Variants in DCHS2 observed in about 807,000 individuals in gnomAD.
The protein encoded by DCHS2 is dachsous cadherin-related 2, also known as protocadherin-23.
A neutral mutation model predicts 182.4 loss-of-function variants in DCHS2; 142 were observed. The ratio of observed to expected loss-of-function variants is 0.78; its 90% CI spans 0.68 to 0.89. DCHS2 has a LOEUF of 0.89. Among genes scored for constraint, DCHS2 ranks in the 40% least tolerant of loss-of-function variants. DCHS2 has a pLI of 0.00. For synonymous variants in DCHS2, 1,740 were observed against 1,663.3 expected (o/e 1.05, Z -1.12); for missense variants, 4,319 against 4,198.6 (o/e 1.03, Z -0.79).
At chr4:154,442,091 C>A (rs565665028) in intron 1 of DCHS2, among the ~76,000 whole-genome samples, 1 of 152,210 alleles carries the variant, frequency 6.6e-6, no homozygotes, top group African/African-American at 2.4e-5. Flanking sequence ...ATCTGGGTGA[C>A]CTTTCAGCCT....
chr4:154,253,831 C>G (rs1318010148), intron 16 of DCHS2, among the ~76,000 whole-genome samples: 3 of 151,330 alleles, frequency 2.0e-5, no homozygotes, highest in Middle Eastern at 3.2e-3. Context: ...TTAATCAGCT[C>G]TCATTGCTCA....
In DCHS2 at chr4:154,266,708, G is replaced by A. The variant is rs76541590; in HGVS notation, c.6577+3192C>T. Reference sequence around the variant, plus strand: ...AGTTTTTAATCAAAGTGTTGGTACAGAGGTTATAATCCTGTGATCATATGG... The same window carrying A: ...AGTTTTTAATCAAAGTGTTGGTACAAAGGTTATAATCCTGTGATCATATGG... On this transcript the variant is annotated intron_variant, in intron 14 of 19. Transcript: ENST00000357232. Among the ~76,000 whole-genome samples, 4 of 151,622 alleles carry A rather than the reference G, an allele frequency of 2.6e-5. No individual in the cohort carries two copies. In the East Asian group the frequency reaches 7.8e-4, roughly 29 times the overall value.
chr4:154,256,680 A>G (rs1269386426), intron 15 of DCHS2, among the ~76,000 whole-genome samples: 1 of 152,138 alleles, frequency 6.6e-6, no homozygotes, highest in Non-Finnish European at 1.5e-5. Context: ...TTACTTGTTT[A>G]TATCTTCTAT....
rs148648732 is a variant in DCHS2 at position 154,295,202 on chromosome 4, A to G, written c.6463+2649T>C. 9.8e-4 allele frequency among the ~76,000 whole-genome samples: 150 copies of G among 152,298 alleles called. 1 individual carries two copies. The Middle Eastern group carries it at 0.01, about 10-fold the overall frequency. On this transcript the variant is annotated intron_variant, in intron 13 of 19. Transcript: ENST00000357232. ...CTTGGGTGAATTTGCAAAGATAAAA[A>G]CTGCTTTGTGAAGTACGTACCCTCT... is the stretch of plus-strand genomic sequence containing the variant.
rs760407497 is a variant in DCHS2 at position 154,297,873 on chromosome 4, G to T, written c.6441C>A (p.Leu2147=). The T allele has an allele frequency of 6.2e-7, 1 of 1,609,490 alleles. No homozygotes were observed. Among genetic ancestry groups the T allele is most frequent in the South Asian group, 1.1e-5 (1 of 90,754 alleles). ...ISFSHHLYKG[L]VTENCEAGTS... is the part of the protein sequence containing the mutation. ...CACCTGCCTCACAATTTTCAGTCAC[G>T]AGCCCTTTATACAGGTGGTGGCTGA... The change falls in exon 13 of 20, where the codon CTC becomes CTA. Residue 2147 remains leucine (L), a synonymous_variant. Transcript: ENST00000357232.
chr4:154,320,584 T>C lies in DCHS2; in HGVS notation c.4815A>G (p.Thr1605=). Reference sequence around the variant, plus strand: ...TTACATCCAAAATCACTATTTGTGCTGTCAGTGATCTCAGTCGCCGGTCTG... The same window carrying C: ...TTACATCCAAAATCACTATTTGTGCCGTCAGTGATCTCAGTCGCCGGTCTG... ...NVTDRRLRSL[T]AQIVILDVND... is the part of the protein sequence containing the mutation. Residue 1605 remains threonine (T), a synonymous_variant, in exon 9 of 20, where the codon ACA becomes ACG. Transcript: ENST00000357232. The C allele has an allele frequency of 1.2e-6, 2 of 1,614,142 alleles. No individual in the cohort carries two copies. Among genetic ancestry groups the C allele is most frequent in the Non-Finnish European group, 1.7e-6 (2 of 1,180,010 alleles).
At chr4:154,371,172 C>G (rs1436779841) in intron 2 of DCHS2, among the ~76,000 whole-genome samples, 2 of 150,948 alleles carry the variant, frequency 1.3e-5, no homozygotes, top group Non-Finnish European at 2.9e-5. Context: ...GTGTGAAAGT[C>G]CTAAGTGATA....
intron 1 of DCHS2, among the ~76,000 whole-genome samples, chr4:154,483,665 T>C (rs1301625352): frequency 1.3e-5 from 2 of 152,144 alleles, no homozygotes; most frequent in Non-Finnish European, 2.9e-5. Context: ...GACTGTGGCA[T>C]GGGAGGCTGA....
intron 3 of DCHS2, among the ~76,000 whole-genome samples, chr4:154,339,424 C>A (rs1440276138): frequency 1.3e-5 from 2 of 151,722 alleles, no homozygotes; most frequent in African/African-American, 2.4e-5. Context: ...CAAGTTAACA[C>A]ATAAAAGTAA....
chr4:154,304,628 TAAAAAAACAAACAAAC>T (rs1349640620), intron 12 of DCHS2, 25 bp downstream of exon 12: 4 of 1,353,040 alleles, frequency 3.0e-6, no homozygotes, highest in Non-Finnish European at 4.0e-6. Context: ...GACTCTGTCT[TAAAAAAACAAACAAAC>T]AAACAAACAA....
intron 12 of DCHS2, among the ~76,000 whole-genome samples, chr4:154,303,503 A>G (rs1403730967): frequency 6.7e-6 from 1 of 149,464 alleles, no homozygotes; most frequent in East Asian, 2.0e-4. Context: ...AAAAAAAAAA[A>G]AGCTGAAGAT....
At chr4:154,264,509 G>A (rs1733150153) in intron 14 of DCHS2, among the ~76,000 whole-genome samples, 1 of 152,134 alleles carries the variant, frequency 6.6e-6, no homozygotes, top group Non-Finnish European at 1.5e-5. Context: ...ATGTAGCAGA[G>A]AGTCACATAG....
intron 3 of DCHS2, among the ~76,000 whole-genome samples, chr4:154,362,817 T>C (rs1730186999): frequency 6.6e-6 from 1 of 152,178 alleles, no homozygotes; most frequent in Non-Finnish European, 1.5e-5. Flanking sequence ...ATAGTAAATA[T>C]ATTTTCTCTT....
At chr4:154,284,051 T>C (rs966030985) in intron 13 of DCHS2, among the ~76,000 whole-genome samples, 2 of 152,212 alleles carry the variant, frequency 1.3e-5, no homozygotes, top group Non-Finnish European at 2.9e-5. Flanking sequence ...AAAAACAAGG[T>C]AAATGTATCT....
chr4:154,451,897 C>T (rs1734552030), intron 1 of DCHS2, among the ~76,000 whole-genome samples: 1 of 152,124 alleles, frequency 6.6e-6, no homozygotes, highest in African/African-American at 2.4e-5. Flanking sequence ...TCTAAATGGG[C>T]AAAAATACTT....
At chr4:154,454,520 A>C (rs114449855) in intron 1 of DCHS2, among the ~76,000 whole-genome samples, 2,763 of 152,290 alleles carry the variant, frequency 0.018, 50 homozygotes, top group Non-Finnish European at 0.03. Context: ...AAATTATTAC[A>C]TTTGTAATTT....
intron 14 of DCHS2, 136 bp from the exon 15 acceptor site, chr4:154,259,892 G>A (rs903465039): frequency 2.5e-5 from 26 of 1,036,940 alleles, no homozygotes; most frequent in East Asian, 5.5e-5. Flanking sequence ...GTGAAATCTC[G>A]GCTCACTGCA....
chr4:154,345,937 G>A (rs1416590940), intron 3 of DCHS2, among the ~76,000 whole-genome samples: 1 of 152,220 alleles, frequency 6.6e-6, no homozygotes, highest in African/African-American at 2.4e-5. Context: ...CACTTCTGGA[G>A]GCTGGGAAGC....
At chr4:154,243,621 G>A (rs980071632) in intron 16 of DCHS2, among the ~76,000 whole-genome samples, 7 of 152,050 alleles carry the variant, frequency 4.6e-5, no homozygotes, top group Middle Eastern at 3.2e-3. Flanking sequence ...GAATTTCCTG[G>A]GACATGAGAC....
Sources: allele counts gnomAD v4.1 joint callset (sites outside exome capture counted in the v4.1 genomes callset), GRCh38; gene constraint gnomAD v4.1.1; transcripts MANE v1.5; gene names NCBI Gene and HGNC (gene_info 2026-07-23, HGNC 2026-07-21).